Variants in SLITRK2 observed in about 807,000 individuals in gnomAD.
SLITRK2 encodes SLIT and NTRK like family member 2, also known as SLIT and NTRK-like protein 2.
In SLITRK2, 13 loss-of-function variants were observed where a neutral mutation model predicts 35.4. The ratio of observed to expected loss-of-function variants is 0.37; its 90% CI spans 0.24 to 0.58. The LOEUF (loss-of-function observed/expected upper bound fraction) is 0.58, where lower values mean the gene tolerates loss of function less well. SLITRK2 is among the 20% of genes least tolerant of loss of function. The pLI, the probability that SLITRK2 is intolerant of heterozygous loss-of-function variation, is 0.75. For synonymous variants in SLITRK2, 294 were observed against 264.7 expected (o/e 1.11, Z -1.07); for missense variants, 471 against 634.3 (o/e 0.74, Z 2.76).
rs2124217044 is a variant in SLITRK2 at position 145,824,921 on chromosome X, C to T, written c.2496C>T (p.Tyr832=). ...CTAAGCCGCAATCAGAACCGGACTACCTCGAAGTTCTGGAAAAACAAACTG... is the reference window on the plus strand; with the variant it reads ...CTAAGCCGCAATCAGAACCGGACTATCTCGAAGTTCTGGAAAAACAAACTG... ...LQAKPQSEPD[Y]LEVLEKQTAI... Residue 832 remains tyrosine, a synonymous_variant, in exon 5 of 5, where the codon TAC becomes TAT. Coordinates refer to ENST00000335565, the MANE Select transcript of SLITRK2 (RefSeq NM_032539.5). The T allele has an allele frequency of 8.3e-7, 1 of 1,208,975 alleles. No individual in the cohort carries two copies. Among genetic ancestry groups the T allele is most frequent in the Non-Finnish European group, 1.1e-6 (1 of 894,737 alleles).
In SLITRK2 at chrX:145,822,125, C is replaced by A. The variant is rs1556943537; in HGVS notation, c.-72C>A. 1.4e-5 allele frequency: 4 copies of A among 283,213 alleles called. No individual in the cohort carries two copies. Among genetic ancestry groups the A allele is most frequent in the Non-Finnish European group, 2.5e-5 (4 of 163,062 alleles). The allele number at this position is 283,213 out of a possible 1,213,427, so 23.3% of individuals were successfully genotyped here. On this transcript the variant is annotated 5_prime_UTR_variant, in exon 4 of 5. Coordinates refer to ENST00000335565, the MANE Select transcript of SLITRK2 (RefSeq NM_032539.5). Reference sequence around the variant, plus strand: ...GACAACTCGGTTACTAATGACTTGGCGGCTGGCTGCGACCCCCCGGGAAAT... The same window carrying A: ...GACAACTCGGTTACTAATGACTTGGAGGCTGGCTGCGACCCCCCGGGAAAT...
rs910987083 is a variant in SLITRK2 at position 145,827,404 on chromosome X, G to A, written c.*2441G>A. On this transcript the variant is annotated 3_prime_UTR_variant, in exon 5 of 5. Coordinates refer to ENST00000335565, the MANE Select transcript of SLITRK2 (RefSeq NM_032539.5). ...TTAAATTATATGACTAGAGGCTCTT[G>A]ATGCAGTGATTCCACTTCAGTGTTC... 3.0e-5 allele frequency: 6 copies of A among 201,450 alleles called. No homozygotes were observed. The highest frequency in any genetic ancestry group is 1.8e-4 in the African/African-American group (6 of 33,529). The allele number at this position is 201,450 out of a possible 1,213,427, so 16.6% of individuals were successfully genotyped here. A position where few individuals can be genotyped will look rare whatever the true frequency, so the allele number is the denominator to read the frequency against.
rs2124173652 is a variant in SLITRK2 at position 145,823,399 on chromosome X, G to T, written c.974G>T (p.Gly325Val). 1 of 1,211,582 alleles carries T rather than the reference G, an allele frequency of 8.3e-7. No homozygotes were observed. The highest frequency in any genetic ancestry group is 1.1e-6 in the Non-Finnish European group (1 of 895,452). ...VTVSKDRQSFGPIMVYQTKSP... is the reference protein window; with the variant it reads ...VTVSKDRQSFVPIMVYQTKSP... ...GTGTCAAAGGACAGGCAAAGTTTTG[G>T]ACCCATCATGGTGTACCAGACCAAG... Residue 325 changes from glycine to valine, a missense_variant, in exon 5 of 5, where the codon GGA (glycine) becomes GTA (valine). Transcript: ENST00000335565.
At position 145,825,169 on chromosome X, in the gene SLITRK2, CTTTTTTT is replaced by C. The variant is rs5904151; in HGVS notation, c.*222_*228del. The C allele has an allele frequency of 2.1e-4, 46 of 218,425 alleles. No individual in the cohort carries two copies. The highest frequency in any genetic ancestry group is 5.6e-4 in the South Asian group (2 of 3,594). 18.0% of individuals were successfully genotyped at this position (218,425 alleles called of 1,213,427 possible). ...ATTTCTCTCTCGCTCTCCTCCCCTC[CTTTTTTT>C]TTTTTTTTTTTTTTTCTTTTTCCCT... On this transcript the variant is annotated 3_prime_UTR_variant, in exon 5 of 5. Transcript: ENST00000335565.
rs2073077516 is a variant in SLITRK2, at chrX:145,824,218, C to T, written c.1793C>T (p.Thr598Ile). 8.3e-7 allele frequency: 1 copy of T among 1,211,061 alleles called. No homozygotes were observed. Among genetic ancestry groups the T allele is most frequent in the Non-Finnish European group, 1.1e-6 (1 of 895,208 alleles). ...TTGTCAATGAATCACAATACAGACA[C>T]ACCTCGGTCGCTTAGTGTGTCTCCT... ...TVLSMNHNTD[T>I]PRSLSVSPSS... The change falls in exon 5 of 5, where the codon ACA becomes ATA. Residue 598 changes from threonine (T) to isoleucine (I), a missense_variant. Around this residue, in one of 7 missense-constraint regions of SLITRK2, gnomAD observed 190 missense variants for 199.3 expected, o/e 0.95. Transcript: ENST00000335565.
chrX:145,823,621 G>C lies in SLITRK2; in HGVS notation c.1196G>C (p.Ser399Thr), dbSNP rs2124179789. The change falls in exon 5 of 5, where the codon AGT becomes ACT. Residue 399 changes from serine to threonine, a missense_variant. This residue lies in a region of SLITRK2 where 92 missense variants were observed against 184.2 expected (regional missense o/e 0.50). Transcript: ENST00000335565. The part of the protein sequence containing the change: ...TVYKNDLLEY[S>T]SLDLLHLGNN... The stretch of plus-strand genomic sequence containing the variant: ...TATAAGAATGACCTCTTAGAATACA[G>C]TTCTTTGGACTTACTGCACTTAGGA... The C allele has an allele frequency of 8.3e-7, 1 of 1,211,662 alleles. No individual in the cohort carries two copies. Among genetic ancestry groups the C allele is most frequent in the Non-Finnish European group, 1.1e-6 (1 of 895,397 alleles).
Position 145,823,407 on chromosome X carries a change from A to G in SLITRK2, c.982A>G (p.Met328Val). 8.3e-7 allele frequency: 1 copy of G among 1,211,599 alleles called. No homozygotes were observed. The change falls in exon 5 of 5, where the codon ATG becomes GTG. Residue 328 changes from methionine (M) to valine (V), a missense_variant. By Grantham distance (21) the Met-to-Val change is conservative (BLOSUM62 1). Coordinates refer to ENST00000335565, the MANE Select transcript of SLITRK2 (RefSeq NM_032539.5). ...SKDRQSFGPI[M>V]VYQTKSPVPL... ...GGACAGGCAAAGTTTTGGACCCATCATGGTGTACCAGACCAAGTCTCCTGT... is the reference window on the plus strand; with the variant it reads ...GGACAGGCAAAGTTTTGGACCCATCGTGGTGTACCAGACCAAGTCTCCTGT...
rs1394358209 is a variant in SLITRK2, at chrX:145,828,186, G to A, written c.*3223G>A. 2 of 397,856 alleles carry A rather than the reference G, an allele frequency of 5.0e-6. No individual in the cohort carries two copies. The highest frequency in any genetic ancestry group is 8.5e-6 in the Non-Finnish European group (2 of 234,072). 32.8% of individuals were successfully genotyped at this position (397,856 alleles called of 1,213,427 possible). A position where few individuals can be genotyped will look rare whatever the true frequency, so the allele number is the denominator to read the frequency against. ...TATGGTCAACCTGTGTGCCTTGTTA[G>A]TTCTCTCCAGCAGCTGGTGAGTAAG... On this transcript the variant is annotated 3_prime_UTR_variant, in exon 5 of 5. Coordinates refer to ENST00000335565, the MANE Select transcript of SLITRK2 (RefSeq NM_032539.5).
rs1217563722 is a variant in SLITRK2, at chrX:145,825,108, G to A, written c.*145G>A. The A allele has an allele frequency of 1.1e-5, 7 of 636,609 alleles. No homozygotes were observed. The highest frequency in any genetic ancestry group is 5.4e-5 in the Admixed American group (1 of 18,461). 52.5% of individuals were successfully genotyped at this position (636,609 alleles called of 1,213,427 possible). On this transcript the variant is annotated 3_prime_UTR_variant, in exon 5 of 5. Coordinates refer to ENST00000335565, the MANE Select transcript of SLITRK2 (RefSeq NM_032539.5). ...GAAAATGTTTGGGAGATAGGATGAA[G>A]TCATGATTTTGCTTTTGCAAGTTTT...
chrX:145,820,425 A>AT (rs1556942746), intron 1 of SLITRK2, 49 bp from the exon 2 acceptor site: 1 of 112,599 alleles, frequency 8.9e-6, no homozygotes, highest in Non-Finnish European at 1.9e-5. Flanking sequence ...CCCGCATTGG[A>AT]TATCAGAGCT....
At chrX:145,818,632 G>T (rs1030457007) in intron 1 of SLITRK2, 1 of 112,757 alleles carries the variant, frequency 8.9e-6, no homozygotes, top group Non-Finnish European at 1.9e-5. Context: ...CCTGATGGGC[G>T]GCCGGGACGG....
Position 145,824,392 on chromosome X carries a change from A to G in SLITRK2, c.1967A>G (p.Asn656Ser). 1 of 1,211,286 alleles carries G rather than the reference A, an allele frequency of 8.3e-7. No homozygotes were observed. Among genetic ancestry groups the G allele is most frequent in the Non-Finnish European group, 1.1e-6 (1 of 895,322 alleles). Residue 656 changes from asparagine (N) to serine (S), a missense_variant, in exon 5 of 5, where the codon AAT becomes AGT. Around this residue, in one of 7 missense-constraint regions of SLITRK2, gnomAD observed 190 missense variants for 199.3 expected, o/e 0.95. Transcript: ENST00000335565. ...AAGGGAGTGCCGAGCGTTCCCAGGA[A>G]TACCAACAACTTAGACGTAAGCTCC... ...RRKGVPSVPR[N>S]TNNLDVSSFQ...
chrX:145,824,450 G>A lies in SLITRK2; in HGVS notation c.2025G>A (p.Glu675=), dbSNP rs782508457. Residue 675 remains glutamate, a synonymous_variant, in exon 5 of 5, where the codon GAG becomes GAA. Transcript: ENST00000335565. ...FQLQYGSYNT[E]THDKTDGHVY... ...TACAGTATGGGTCTTACAACACTGA[G>A]ACTCACGATAAAACAGACGGCCATG... 8.3e-7 allele frequency: 1 copy of A among 1,211,320 alleles called. No homozygotes were observed. The highest frequency in any genetic ancestry group is 1.1e-6 in the Non-Finnish European group (1 of 895,392).
chrX:145,818,085 A>G (rs1469983330), intron 1 of SLITRK2, 59 bp downstream of exon 1: 2 of 111,978 alleles, frequency 1.8e-5, no homozygotes, highest in African/African-American at 6.5e-5. Flanking sequence ...GGCTTTCCTC[A>G]GTCCGTTGCC....
rs1353829773 is a variant in SLITRK2 at position 145,828,900 on chromosome X, G to T, written c.*3937G>T. 8.1e-6 allele frequency: 1 copy of T among 123,223 alleles called. No homozygotes were observed. The highest frequency in any genetic ancestry group is 1.9e-5 in the Non-Finnish European group (1 of 53,229). 10.2% of individuals were successfully genotyped at this position (123,223 alleles called of 1,213,427 possible). A position where few individuals can be genotyped will look rare whatever the true frequency, so the allele number is the denominator to read the frequency against. ...TTGTTTTTGCAAAATAAGGCCCAAT[G>T]TTATGGCCTAATGAAAGCTATATAC... is the stretch of plus-strand genomic sequence containing the variant. On this transcript the variant is annotated 3_prime_UTR_variant, in exon 5 of 5. Transcript: ENST00000335565.
At position 145,823,141 on chromosome X, in the gene SLITRK2, G is replaced by A. The variant is rs782579667; in HGVS notation, c.716G>A (p.Gly239Glu). 1.7e-6 allele frequency: 2 copies of A among 1,209,443 alleles called. No homozygotes were observed. The highest frequency in any genetic ancestry group is 2.2e-6 in the Non-Finnish European group (2 of 895,163). Residue 239 changes from glycine (G) to glutamate (E), a missense_variant, in exon 5 of 5, where the codon GGA (glycine) becomes GAA (glutamate). By Grantham distance (98) the Gly-to-Glu change is moderately conservative (BLOSUM62 -2). Coordinates refer to ENST00000335565, the MANE Select transcript of SLITRK2 (RefSeq NM_032539.5). ...CTAGACACCATAACTGTTTTTGTGG[G>A]AGAGATTGTCTGTGAGACTCCCTTT... ...AWLDTITVFV[G>E]EIVCETPFRL... is the part of the protein sequence containing the mutation.
At chrX:145,820,764 C>T (rs1482801425) in intron 2 of SLITRK2, 7 of 111,360 alleles carry the variant, frequency 6.3e-5, no homozygotes, top group African/African-American at 2.3e-4. Context: ...ACGTTTAAAC[C>T]TCATTATCTG....
At chrX:145,819,757 C>T (rs893894190) in intron 1 of SLITRK2, 4 of 111,775 alleles carry the variant, frequency 3.6e-5, no homozygotes, top group African/African-American at 9.8e-5. Flanking sequence ...CAGAGCTCAT[C>T]TCAAGTTTGC....
rs1371526689 is a variant in SLITRK2 at position 145,822,480 on chromosome X, A to T, written c.55A>T (p.Thr19Ser). The T allele has an allele frequency of 8.3e-7, 1 of 1,211,085 alleles. No individual in the cohort carries two copies. The highest frequency in any genetic ancestry group is 1.7e-5 in the African/African-American group (1 of 57,655). Residue 19 changes from threonine (T) to serine (S), a missense_variant, in exon 5 of 5, where the codon ACA becomes TCA. Around this residue, in one of 7 missense-constraint regions of SLITRK2, gnomAD observed 98 missense variants for 120.6 expected, o/e 0.81. Coordinates refer to ENST00000335565, the MANE Select transcript of SLITRK2 (RefSeq NM_032539.5). Reference sequence around the variant, plus strand: ...GTTAACCGTGGCCGGGATCTTACAGACAGAGAGTCGCAAAACTGCCAAAGA... The same window carrying T: ...GTTAACCGTGGCCGGGATCTTACAGTCAGAGAGTCGCAAAACTGCCAAAGA... ...SVLTVAGILQ[T>S]ESRKTAKDIC...
Sources: allele counts gnomAD v4.1 joint callset, GRCh38; gene constraint gnomAD v4.1.1; regional missense constraint gnomAD v4.1.1; transcripts MANE v1.5; gene names NCBI Gene and HGNC (gene_info 2026-07-23, HGNC 2026-07-21).